RBFOX1: variants seen among roughly 807,000 people sequenced by gnomAD.
RBFOX1 encodes RNA binding protein fox-1 homolog 1.
RBFOX1 carries 8 observed loss-of-function variants against 57.7 expected under a neutral mutation model. The ratio of observed to expected loss-of-function variants is 0.14; its 90% confidence interval spans 0.08 to 0.25. RBFOX1 has a LOEUF of 0.25. Ranked by LOEUF, RBFOX1 falls within the 10% of genes least tolerant of loss-of-function variation. The probability of loss-of-function intolerance (pLI) is 1.00; values close to 1 mark genes in which losing one functional copy is unlikely to be tolerated. For synonymous variants in RBFOX1, 326 were observed against 222.4 expected (o/e 1.47, Z -4.15); for missense variants, 611 against 548.5 (o/e 1.11, Z -1.14).
chr16:7,657,073 TC>T (rs1344755610), intron 12 of RBFOX1, among the ~76,000 whole-genome samples: 3 of 152,136 alleles, frequency 2.0e-5, no homozygotes, highest in African/African-American at 7.2e-5. Flanking sequence ...AATCTGTTCT[TC>T]CTGAAGTATC....
At chr16:6,280,906 T>C (rs2152697952) in intron 1 of RBFOX1, among the ~76,000 whole-genome samples, 1 of 151,548 alleles carries the variant, frequency 6.6e-6, no homozygotes, top group South Asian at 2.1e-4. Context: ...GCGTGCTCAG[T>C]CTAACATCTC....
chr16:7,191,910 A>G (rs931429915), intron 4 of RBFOX1, among the ~76,000 whole-genome samples: 2 of 152,242 alleles, frequency 1.3e-5, no homozygotes, highest in African/African-American at 4.8e-5. Flanking sequence ...TGCAAATTCT[A>G]TAATAGGAAC....
intron 3 of RBFOX1, among the ~76,000 whole-genome samples, chr16:5,783,745 T>C (rs1245921054): frequency 3.9e-5 from 6 of 152,212 alleles, no homozygotes; most frequent in Admixed American, 3.9e-4. Flanking sequence ...TGCCAAAACT[T>C]ACCAAAAACC....
At chr16:5,465,925 G>T (rs1249816089) in intron 1 of RBFOX1, among the ~76,000 whole-genome samples, 1 of 152,182 alleles carries the variant, frequency 6.6e-6, no homozygotes, top group Non-Finnish European at 1.5e-5. Flanking sequence ...TCTGTCCACG[G>T]TGCTGCGGTG....
intron 2 of RBFOX1, among the ~76,000 whole-genome samples, chr16:6,472,985 A>G (rs2095213510): frequency 6.6e-6 from 1 of 152,154 alleles, no homozygotes; most frequent in South Asian, 2.1e-4. Context: ...ATGATCATAT[A>G]GGGATATCTC....
intron 3 of RBFOX1, among the ~76,000 whole-genome samples, chr16:5,809,293 C>T (rs372718655): frequency 3.9e-5 from 6 of 152,108 alleles, no homozygotes; most frequent in Non-Finnish European, 7.3e-5. Flanking sequence ...ACACCAAAAG[C>T]AATGGCAACA....
intron 1 of RBFOX1, among the ~76,000 whole-genome samples, chr16:6,024,427 C>T (rs372704870): frequency 1.3e-5 from 2 of 152,136 alleles, no homozygotes. Context: ...CTGAGAAGTA[C>T]ATGAAAAGAA....
At chr16:6,594,460 A>G (rs906482016) in intron 2 of RBFOX1, among the ~76,000 whole-genome samples, 11 of 152,202 alleles carry the variant, frequency 7.2e-5, no homozygotes, top group African/African-American at 2.7e-4. Context: ...CAAACTCGGC[A>G]ATAAATGCCC....
At chr16:6,782,638 C>T (rs534761134) in intron 3 of RBFOX1, among the ~76,000 whole-genome samples, 7 of 152,198 alleles carry the variant, frequency 4.6e-5, no homozygotes, top group South Asian at 4.1e-4. Context: ...ACTTGTGTTT[C>T]GGCCTAACAT....
intron 11 of RBFOX1, among the ~76,000 whole-genome samples, chr16:7,650,605 C>T (rs980281347): frequency 1.3e-5 from 2 of 152,146 alleles, no homozygotes; most frequent in African/African-American, 4.8e-5. Flanking sequence ...CATGTTATAT[C>T]TCAACATCTA....
intron 3 of RBFOX1, among the ~76,000 whole-genome samples, chr16:6,935,512 C>T (rs9926461): frequency 0.036 from 5,525 of 152,256 alleles, 340 homozygotes; most frequent in African/African-American, 0.13. Context: ...GGTAATTTGT[C>T]TCATGGCAAT....
chr16:5,527,107 T>G (rs1193023491), intron 2 of RBFOX1, among the ~76,000 whole-genome samples: 2 of 152,142 alleles, frequency 1.3e-5, no homozygotes, highest in Non-Finnish European at 2.9e-5. Flanking sequence ...TGGAAAGAAT[T>G]AGGTGGCGAC....
chr16:7,287,939 C>G (rs7195044), intron 4 of RBFOX1, among the ~76,000 whole-genome samples: 140,206 of 152,256 alleles, frequency 0.92, 64,749 homozygotes, highest in East Asian at 1. Context: ...TTGTGAGGAT[C>G]TAGCCCAAAT....
chr16:7,604,656 A>G (rs1382309545), intron 9 of RBFOX1, among the ~76,000 whole-genome samples: 1 of 152,220 alleles, frequency 6.6e-6, no homozygotes, highest in African/African-American at 2.4e-5. Flanking sequence ...GTGGGTAGGC[A>G]GATGAGATAA....
At chr16:6,856,454 A>G (rs1396099671) in intron 3 of RBFOX1, among the ~76,000 whole-genome samples, 1 of 152,124 alleles carries the variant, frequency 6.6e-6, no homozygotes, top group Non-Finnish European at 1.5e-5. Flanking sequence ...GGACCACCTG[A>G]GCCACTGACC....
At position 5,528,415 on chromosome 16, in the gene RBFOX1, T is replaced by C. The variant is rs138628251; in HGVS notation, c.258+61161T>C. Among the ~76,000 whole-genome samples the C allele has an allele frequency of 4.4e-3, 663 of 152,304 alleles. 7 individuals are homozygous for C. Among genetic ancestry groups the C allele is most frequent in the African/African-American group, 0.015 (642 of 41,556 alleles). On this transcript the variant is annotated intron_variant, in intron 2 of 2. Coordinates refer to the RBFOX1 transcript ENST00000585867. The stretch of plus-strand genomic sequence containing the variant: ...CATTTACGTTGTGTTAACTCTGTGC[T>C]TGGCACCGGGGCCACATCTGAGCAC...
intron 2 of RBFOX1, among the ~76,000 whole-genome samples, chr16:6,521,018 T>A (rs2096487862): frequency 6.6e-6 from 1 of 152,154 alleles, no homozygotes; most frequent in Non-Finnish European, 1.5e-5. Context: ...ATTTGTCAAT[T>A]TATATCAAAA....
chr16:5,844,111 C>G (rs985488251), intron 3 of RBFOX1, among the ~76,000 whole-genome samples: 1 of 152,180 alleles, frequency 6.6e-6, no homozygotes, highest in African/African-American at 2.4e-5. Context: ...AAAGGGATGG[C>G]TCCTTCTGAG....
At chr16:6,513,832 A>C (rs1407640886) in intron 2 of RBFOX1, among the ~76,000 whole-genome samples, 1 of 152,134 alleles carries the variant, frequency 6.6e-6, no homozygotes, top group Non-Finnish European at 1.5e-5. Context: ...TTCAAGCGAG[A>C]GGGTGGAGTG....
Sources: allele counts gnomAD v4.1 joint callset (sites outside exome capture counted in the v4.1 genomes callset), GRCh38; gene constraint gnomAD v4.1.1; transcripts MANE v1.5; gene names NCBI Gene and HGNC (gene_info 2026-07-23, HGNC 2026-07-21).